The following DLC1 variants were observed in gnomAD, a reference collection of about 807,000 sequenced individuals.
DLC1 encodes DLC1 Rho GTPase activating protein, also known as rho GTPase-activating protein 7.
DLC1 carries 54 observed loss-of-function variants against 140.3 expected under a neutral mutation model. That is an observed-to-expected ratio of 0.38 (90% CI 0.31 to 0.48). The LOEUF is 0.48. DLC1 is among the 20% of genes least tolerant of loss of function. The probability of loss-of-function intolerance (pLI) is 0.96; values close to 1 mark genes in which losing one functional copy is unlikely to be tolerated. For missense variants in DLC1, 2,536 were observed against 1,907.0 expected (o/e 1.33, Z -6.14); for synonymous variants, 986 against 728.1 (o/e 1.35, Z -5.70).
At chr8:13,590,637 T>C (rs377193619) in intron 1 of DLC1, among the ~76,000 whole-genome samples, 1 of 152,128 alleles carries the variant, frequency 6.6e-6, no homozygotes, top group African/African-American at 2.4e-5. Flanking sequence ...CAAAATATTC[T>C]TTAGTAATAA....
intron 5 of DLC1, among the ~76,000 whole-genome samples, chr8:13,151,166 G>A (rs574181400): frequency 4.6e-5 from 7 of 152,104 alleles, no homozygotes; most frequent in Non-Finnish European, 7.4e-5. Flanking sequence ...AAGTGGACTC[G>A]AAAACATAAA....
At chr8:13,281,526 C>T (rs1347673510) in intron 5 of DLC1, among the ~76,000 whole-genome samples, 2 of 152,096 alleles carry the variant, frequency 1.3e-5, no homozygotes, top group East Asian at 1.9e-4. Flanking sequence ...GTACAAAGCA[C>T]ATAAGTACCA....
chr8:13,463,586 G>C (rs562102484), intron 2 of DLC1, among the ~76,000 whole-genome samples: 10 of 152,326 alleles, frequency 6.6e-5, no homozygotes, highest in Admixed American at 2.0e-4. Context: ...ATTTGGTAAA[G>C]ATTTCTCATA....
intron 2 of DLC1, among the ~76,000 whole-genome samples, chr8:13,453,467 T>TATAC (rs1173876430): frequency 3.7e-5 from 1 of 27,324 alleles, no homozygotes; most frequent in East Asian, 1.1e-3. Flanking sequence ...TATGTATATA[T>TATAC]ATACATATAT....
In DLC1 at chr8:13,098,744, T is replaced by A. The variant is rs368692230; in HGVS notation, c.2991-169A>T. On this transcript the variant is annotated intron_variant, in intron 9 of 17. Transcript: ENST00000276297. Reference sequence around the variant, plus strand: ...GATCCTCCTGCCTCAGCCTCCTGAGTAGCCAGGACTGTAGGCCTGTGCCAC... The same window carrying A: ...GATCCTCCTGCCTCAGCCTCCTGAGAAGCCAGGACTGTAGGCCTGTGCCAC... 1.8e-4 allele frequency among the ~76,000 whole-genome samples: 27 copies of A among 152,338 alleles called. 3 individuals are homozygous for A. The highest frequency in any genetic ancestry group is 3.4e-3 in the Middle Eastern group (1 of 294).
Position 13,510,179 on chromosome 8 carries a change from T to A in DLC1, c.-126+4423A>T, listed in dbSNP as rs796863554. On this transcript the variant is annotated intron_variant, in intron 1 of 17. Transcript: ENST00000276297. Reference sequence around the variant, plus strand: ...CACAATTATTCTTTATTCTTTTTTTTTTTTTTTTTCCTGAGATGAAGTTTT... The same window carrying A: ...CACAATTATTCTTTATTCTTTTTTTATTTTTTTTTCCTGAGATGAAGTTTT... 9.1e-4 allele frequency among the ~76,000 whole-genome samples: 138 copies of A among 151,720 alleles called. 1 individual carries two copies. The South Asian group carries it at 0.012, about 13-fold the overall frequency.
intron 2 of DLC1, among the ~76,000 whole-genome samples, chr8:13,471,414 A>G (rs1295469177): frequency 6.6e-6 from 1 of 151,590 alleles, no homozygotes; most frequent in Non-Finnish European, 1.5e-5. Flanking sequence ...AAACACTGTC[A>G]TACACCCTTG....
At chr8:13,342,470 T>A (rs937878936) in intron 4 of DLC1, 1 of 152,236 alleles carries the variant, frequency 6.6e-6, no homozygotes, top group Non-Finnish European at 1.5e-5. Flanking sequence ...GTGATTAGTA[T>A]TTGAATCAGT....
intron 5 of DLC1, among the ~76,000 whole-genome samples, chr8:13,188,637 C>G (rs1426839874): frequency 8.1e-6 from 1 of 123,190 alleles, no homozygotes; most frequent in Non-Finnish European, 1.6e-5. Flanking sequence ...CAGAGTCTTG[C>G]TCTGTAGCCC....
chr8:13,526,137 C>T (rs950375882), intron 1 of DLC1, among the ~76,000 whole-genome samples: 1 of 152,154 alleles, frequency 6.6e-6, no homozygotes. Context: ...TATGTGTCTT[C>T]CTGTTTCTAA....
chr8:13,287,822 C>A (rs191330074), intron 5 of DLC1, among the ~76,000 whole-genome samples: 1 of 150,326 alleles, frequency 6.7e-6, no homozygotes, highest in Non-Finnish European at 1.5e-5. Flanking sequence ...ATAAAACAGG[C>A]AATTTTGCCA....
chr8:13,181,478 C>T (rs1826031619), intron 5 of DLC1, among the ~76,000 whole-genome samples: 2 of 150,530 alleles, frequency 1.3e-5, no homozygotes, highest in Non-Finnish European at 1.5e-5. Context: ...TAATGCTATC[C>T]CTCCCCCAGC....
chr8:13,202,241 G>T (rs1827429162), intron 5 of DLC1, among the ~76,000 whole-genome samples: 2 of 152,024 alleles, frequency 1.3e-5, no homozygotes, highest in African/African-American at 2.4e-5. Context: ...GCTGTGCCAG[G>T]CCTCAATAGG....
At chr8:13,096,698 G>A (rs1261963377) in intron 10 of DLC1, among the ~76,000 whole-genome samples, 2 of 151,676 alleles carry the variant, frequency 1.3e-5, no homozygotes, top group Non-Finnish European at 2.9e-5. Context: ...AACGGGAGGT[G>A]CTTTGATGCT....
At chr8:13,149,090 C>A (rs1214958911) in intron 5 of DLC1, among the ~76,000 whole-genome samples, 2 of 152,132 alleles carry the variant, frequency 1.3e-5, no homozygotes, top group African/African-American at 4.8e-5. Context: ...CTGCGCCCAG[C>A]CAATAATATT....
At chr8:13,384,379 C>T (rs1009147289) in intron 4 of DLC1, among the ~76,000 whole-genome samples, 14 of 123,778 alleles carry the variant, frequency 1.1e-4, no homozygotes, top group East Asian at 4.0e-4. Flanking sequence ...TGAGCGTGCG[C>T]GTGTGTGTGT....
intron 2 of DLC1, among the ~76,000 whole-genome samples, chr8:13,487,882 T>A (rs1419255820): frequency 6.6e-6 from 1 of 152,218 alleles, no homozygotes; most frequent in African/African-American, 2.4e-5. Context: ...GAAAATCTCT[T>A]GTTTTACACT....
At chr8:13,585,923 C>G (rs1181670711) in intron 1 of DLC1, among the ~76,000 whole-genome samples, 1 of 152,124 alleles carries the variant, frequency 6.6e-6, no homozygotes, top group Non-Finnish European at 1.5e-5. Flanking sequence ...GGATATAATT[C>G]AAACTGTAAT....
Position 13,499,605 on chromosome 8 carries a change from C to G in DLC1, c.467G>C (p.Ser156Thr). The G allele has an allele frequency of 6.2e-7, 1 of 1,614,156 alleles. No homozygotes were observed. Among genetic ancestry groups the G allele is most frequent in the East Asian group, 2.2e-5 (1 of 44,868 alleles). Residue 156 changes from serine (S) to threonine (T), a missense_variant, in exon 2 of 18, where the codon AGT becomes ACT. Physicochemically the swap from Ser to Thr is moderately conservative, Grantham distance 58. Transcript: ENST00000276297. ...CCAGGAGTTAGAAGAAACTTGGTTA[C>G]TTTGTATGATGGGCAGTGCCTTTTC... ...SLEKALPIIQ[S>T]NQVSSNSWGI...
Sources: gnomAD v4.1 joint callset for allele counts (sites outside exome capture counted in the v4.1 genomes callset) on GRCh38, gnomAD v4.1.1 for gene constraint, MANE v1.5 for transcripts, NCBI Gene and HGNC (gene_info 2026-07-23, HGNC 2026-07-21) for gene names.